The following ADAMTS19 variants were observed in gnomAD, a reference collection of about 807,000 sequenced individuals.
ADAMTS19 encodes ADAM metallopeptidase with thrombospondin type 1 motif 19.
In ADAMTS19, 93 loss-of-function variants were observed where a neutral mutation model predicts 153.3. That is an observed-to-expected ratio of 0.61 (90% CI 0.51 to 0.72). ADAMTS19 has a LOEUF of 0.72. Among genes scored for constraint, ADAMTS19 ranks in the 30% least tolerant of loss-of-function variants. ADAMTS19 has a pLI of 0.00. For synonymous variants in ADAMTS19, 600 were observed against 556.6 expected, an observed-to-expected ratio of 1.08 and a Z score of -1.10; for missense variants, 1,482 against 1,552.1, an observed-to-expected ratio of 0.95 and a Z score of 0.76.
intron 6 of ADAMTS19, among the ~76,000 whole-genome samples, chr5:129,542,189 G>C (rs191038756): frequency 2.6e-5 from 4 of 152,256 alleles, no homozygotes; most frequent in Admixed American, 2.6e-4. Flanking sequence ...AGATAGCAAA[G>C]AGGAAAGCTC....
At chr5:129,733,275 A>G (rs1757524503) in intron 21 of ADAMTS19, among the ~76,000 whole-genome samples, 1 of 152,016 alleles carries the variant, frequency 6.6e-6, no homozygotes, top group Admixed American at 6.6e-5. Flanking sequence ...GACCTTAAAA[A>G]CAAATGCAAC....
chr5:129,542,059 G>A (rs925325482), intron 6 of ADAMTS19, among the ~76,000 whole-genome samples: 1 of 152,010 alleles, frequency 6.6e-6, no homozygotes, highest in Non-Finnish European at 1.5e-5. Flanking sequence ...TTAGGATATT[G>A]TTTGTTTTGA....
rs1173544576 is a variant in ADAMTS19 at position 129,734,991 on chromosome 5, C to A, written c.3372C>A (p.Ile1124=). 1 of 1,611,906 alleles carries A rather than the reference C, an allele frequency of 6.2e-7. No homozygotes were observed. Among genetic ancestry groups the A allele is most frequent in the Admixed American group, 1.7e-5 (1 of 59,734 alleles). ...QSRVIQCMHK[I]TGRHGNECFS... ...GTGTAATCCAATGCATGCATAAGAT[C>A]ACAGGAAGACATGGAAATGAATGTT... Residue 1124 remains isoleucine (I), a synonymous_variant, in exon 22 of 23, where the codon ATC becomes ATA. Transcript: ENST00000274487.
chr5:129,615,995 C>A (rs62399038), intron 8 of ADAMTS19, among the ~76,000 whole-genome samples: 13,454 of 151,962 alleles, frequency 0.089, 680 homozygotes, highest in African/African-American at 0.11. Context: ...TAATATAATG[C>A]ACGACAACGT....
rs533666667 is a variant in ADAMTS19 at position 129,471,898 on chromosome 5, G to A, written c.747+10141G>A. Among the ~76,000 whole-genome samples, 3 of 152,276 alleles carry A rather than the reference G, an allele frequency of 2.0e-5. No individual in the cohort carries two copies. In the East Asian group the frequency reaches 5.8e-4, roughly 29 times the overall value. On this transcript the variant is annotated intron_variant, in intron 2 of 22. Transcript: ENST00000274487. ...AAGGACATGATATCATTCTTTTAGG[G>A]CTGCACAGTGTTCTATAGTGTGTAT... is the stretch of plus-strand genomic sequence containing the variant.
intron 11 of ADAMTS19, among the ~76,000 whole-genome samples, chr5:129,646,311 C>T (rs911008352): frequency 6.6e-6 from 1 of 151,994 alleles, no homozygotes. Flanking sequence ...AGATTAAAAA[C>T]TTTTTGAATC....
intron 3 of ADAMTS19, among the ~76,000 whole-genome samples, chr5:129,511,812 TATC>T (rs1167719169): frequency 6.6e-6 from 1 of 152,004 alleles, no homozygotes; most frequent in East Asian, 1.9e-4. Flanking sequence ...AAGATTCACT[TATC>T]ATATACAAAA....
intron 16 of ADAMTS19, among the ~76,000 whole-genome samples, chr5:129,673,668 A>G (rs1317189532): frequency 6.6e-6 from 1 of 152,150 alleles, no homozygotes; most frequent in African/African-American, 2.4e-5. Context: ...CTAGTCTTCT[A>G]TATTCTTACT....
chr5:129,627,532 T>C (rs914846976), intron 10 of ADAMTS19, among the ~76,000 whole-genome samples: 2 of 151,672 alleles, frequency 1.3e-5, no homozygotes, highest in Non-Finnish European at 2.9e-5. Context: ...TTAAGAGCTC[T>C]GCACAGCAAA....
chr5:129,532,681 A>G (rs928416903), intron 6 of ADAMTS19, among the ~76,000 whole-genome samples: 2 of 152,194 alleles, frequency 1.3e-5, no homozygotes, highest in Non-Finnish European at 2.9e-5. Context: ...ATTTTTCATA[A>G]TTGCCAAAAC....
chr5:129,727,386 A>G (rs1757249721), intron 21 of ADAMTS19, among the ~76,000 whole-genome samples: 1 of 152,192 alleles, frequency 6.6e-6, no homozygotes, highest in African/African-American at 2.4e-5. Context: ...AGTTTACCTC[A>G]TACCATATAA....
Position 129,517,741 on chromosome 5 carries a change from C to T in ADAMTS19, c.913+8499C>T, listed in dbSNP as rs576829590. Among the ~76,000 whole-genome samples, 52 of 151,810 alleles carry T rather than the reference C, an allele frequency of 3.4e-4. 1 individual carries two copies. In the South Asian group the frequency reaches 0.011, roughly 31 times the overall value. On this transcript the variant is annotated intron_variant, in intron 3 of 22. Coordinates refer to ENST00000274487, the MANE Select transcript of ADAMTS19 (RefSeq NM_133638.6). ...GGTCTTATTTTTTCATCTATTTAGCCATTTTATGTCTTTTGATTAGATAGT... is the reference window on the plus strand; with the variant it reads ...GGTCTTATTTTTTCATCTATTTAGCTATTTTATGTCTTTTGATTAGATAGT...
At chr5:129,661,265 A>G (rs549407525) in intron 15 of ADAMTS19, among the ~76,000 whole-genome samples, 3 of 152,324 alleles carry the variant, frequency 2.0e-5, no homozygotes, top group African/African-American at 7.2e-5. Context: ...TTTTTGTTTA[A>G]CACCATATTT....
chr5:129,705,266 G>C (rs979568228), intron 21 of ADAMTS19, among the ~76,000 whole-genome samples: 1 of 152,116 alleles, frequency 6.6e-6, no homozygotes, highest in Non-Finnish European at 1.5e-5. Context: ...AAAGAGAAAA[G>C]AAAGTGATGG....
intron 6 of ADAMTS19, among the ~76,000 whole-genome samples, chr5:129,535,815 G>T (rs1219288347): frequency 6.6e-6 from 1 of 152,122 alleles, no homozygotes; most frequent in Non-Finnish European, 1.5e-5. Context: ...ATGGGGAAAG[G>T]ATTCCCTATT....
intron 2 of ADAMTS19, among the ~76,000 whole-genome samples, chr5:129,478,898 T>G (rs10045780): frequency 6.6e-6 from 1 of 152,146 alleles, no homozygotes; most frequent in African/African-American, 2.4e-5. Flanking sequence ...ATGGAGGCGC[T>G]GTAGTTTTCA....
chr5:129,551,684 A>G (rs1753125785), intron 6 of ADAMTS19, among the ~76,000 whole-genome samples, 180 bp from the exon 7 acceptor site: 1 of 151,912 alleles, frequency 6.6e-6, no homozygotes, highest in Middle Eastern at 3.4e-3. Context: ...ATGTGCTATA[A>G]AATTTAATTA....
chr5:129,525,241 T>C (rs1277583592), intron 3 of ADAMTS19, among the ~76,000 whole-genome samples: 1 of 152,124 alleles, frequency 6.6e-6, no homozygotes, highest in Non-Finnish European at 1.5e-5. Context: ...ACAAAGTGTT[T>C]ATCCCAGTTT....
At chr5:129,610,627 T>C (rs1367399390) in intron 8 of ADAMTS19, among the ~76,000 whole-genome samples, 1 of 152,178 alleles carries the variant, frequency 6.6e-6, no homozygotes, top group Non-Finnish European at 1.5e-5. Context: ...ACTCATCATT[T>C]TTTATGGCTG....
Sources: allele counts gnomAD v4.1 joint callset (sites outside exome capture counted in the v4.1 genomes callset), GRCh38; gene constraint gnomAD v4.1.1; transcripts MANE v1.5; gene names NCBI Gene and HGNC (gene_info 2026-07-23, HGNC 2026-07-21).